Variants in ANKRD52 observed in about 807,000 individuals in gnomAD.
ANKRD52 encodes the protein serine/threonine-protein phosphatase 6 regulatory ankyrin repeat subunit C.
Under a neutral mutation model 116.0 loss-of-function variants are expected in ANKRD52, and 7 were observed. The observed-to-expected ratio is 0.06, with a 90% CI of 0.03 to 0.11. ANKRD52 has a LOEUF of 0.11. ANKRD52 is among the 10% of genes least tolerant of loss of function. The pLI, the probability that ANKRD52 is intolerant of heterozygous loss-of-function variation, is 1.00. For missense variants in ANKRD52, 839 were observed against 1,408.6 expected, an observed-to-expected ratio of 0.60 and a Z score of 6.47; for synonymous variants, 528 against 578.1, an observed-to-expected ratio of 0.91 and a Z score of 1.24.
In ANKRD52 at chr12:56,253,480, G is replaced by T; in HGVS notation, c.986-78C>A. On this transcript the variant is annotated intron_variant, in intron 9 of 27. Coordinates refer to ENST00000267116, the MANE Select transcript of ANKRD52 (RefSeq NM_173595.4). This position sits in a 1 kb window ranked among gnomAD's most constrained non-coding sequence, Gnocchi z 5.5. ...CTTTCGCGAGCTAGCCATGATTTGA[G>T]TGCCTACTATGTATGCATCAGGTGC... The T allele has an allele frequency of 8.5e-7, 1 of 1,173,402 alleles. No individual in the cohort carries two copies. The highest frequency in any genetic ancestry group is 1.3e-6 in the Non-Finnish European group (1 of 792,686). 72.7% of individuals were successfully genotyped at this position (1,173,402 alleles called of 1,614,324 possible). A position where few individuals can be genotyped will look rare whatever the true frequency, so the allele number is the denominator to read the frequency against.
rs557658209 is a variant in ANKRD52, at chr12:56,251,902, C to T, written c.1592+113G>A. On this transcript the variant is annotated intron_variant, in intron 15 of 27. Coordinates refer to ENST00000267116, the MANE Select transcript of ANKRD52 (RefSeq NM_173595.4). ...GGCTCAAGACACACTGCTGGCTGAC[C>T]GGCAGGACAGCAGCAGTATAGGGTA... The T allele has an allele frequency of 1.1e-4, 126 of 1,183,514 alleles. 1 individual carries two copies. In the South Asian group the frequency reaches 1.3e-3, roughly 12 times the overall value. 73.3% of individuals were successfully genotyped at this position (1,183,514 alleles called of 1,614,324 possible).
In ANKRD52 at chr12:56,244,535, A is replaced by G. The variant is rs1214203554; in HGVS notation, c.2723-100T>C. 1 of 1,598,442 alleles carries G rather than the reference A, an allele frequency of 6.3e-7. No individual in the cohort carries two copies. The highest frequency in any genetic ancestry group is 8.5e-7 in the Non-Finnish European group (1 of 1,170,942). On this transcript the variant is annotated intron_variant, in intron 24 of 27. Coordinates refer to ENST00000267116, the MANE Select transcript of ANKRD52 (RefSeq NM_173595.4). The surrounding 1 kb of genome is among the most constrained non-coding windows in gnomAD (Gnocchi z 4.9). ...CCCGTCTGCAGATGGCGAGACATCC[A>G]AAGACAACCCTCTTGCTTTCTGAAC...
In ANKRD52 at chr12:56,248,285, C is replaced by T. The variant is rs1871515420; in HGVS notation, c.1777-61G>A. ...GGACCTTCCCTGCTCCTCCCTTCCC[C>T]TTCTCTGCTCTTGGGGTCCCTGGGA... On this transcript the variant is annotated intron_variant, in intron 17 of 27. Coordinates refer to ENST00000267116, the MANE Select transcript of ANKRD52 (RefSeq NM_173595.4). The surrounding 1 kb of genome is among the most constrained non-coding windows in gnomAD (Gnocchi z 5.1). 1.9e-6 allele frequency: 3 copies of T among 1,582,140 alleles called. No individual in the cohort carries two copies. Among genetic ancestry groups the T allele is most frequent in the Middle Eastern group, 1.7e-4 (1 of 6,016 alleles).
chr12:56,239,125 C>G lies in ANKRD52; in HGVS notation c.*4017G>C, dbSNP rs759579387. ...GGCAACAGCAGCCTTGGAGTCAGTA[C>G]CTTCAAGTAATTCAAAGAGCAGACC... On this transcript the variant is annotated 3_prime_UTR_variant, in exon 28 of 28. Coordinates refer to ENST00000267116, the MANE Select transcript of ANKRD52 (RefSeq NM_173595.4). The G allele has an allele frequency of 9.2e-5, 14 of 152,360 alleles. No homozygotes were observed. Among genetic ancestry groups the G allele is most frequent in the African/African-American group, 3.4e-4 (14 of 41,464 alleles). 9.4% of individuals were successfully genotyped at this position (152,360 alleles called of 1,614,324 possible). A position where few individuals can be genotyped will look rare whatever the true frequency, so the allele number is the denominator to read the frequency against.
At position 56,252,956 on chromosome 12, in the gene ANKRD52, C is replaced by T. The variant is rs1871774173; in HGVS notation, c.1183+48G>A. On this transcript the variant is annotated intron_variant, in intron 11 of 27. Transcript: ENST00000267116. The surrounding 1 kb of genome is among the most constrained non-coding windows in gnomAD (Gnocchi z 4.7). Reference sequence around the variant, plus strand: ...AGAGTGTTCAGCAGGGAGGGAAAGGCCTTTGCTCTCCTATACACCTGCCAA... The same window carrying T: ...AGAGTGTTCAGCAGGGAGGGAAAGGTCTTTGCTCTCCTATACACCTGCCAA... The T allele has an allele frequency of 1.3e-6, 2 of 1,589,986 alleles. No individual in the cohort carries two copies. Among genetic ancestry groups the T allele is most frequent in the East Asian group, 4.6e-5 (2 of 43,838 alleles).
At position 56,248,777 on chromosome 12, in the gene ANKRD52, G is replaced by C. The variant is rs779319046; in HGVS notation, c.1686C>G (p.Asn562Lys). The C allele has an allele frequency of 6.2e-7, 1 of 1,610,736 alleles. No individual in the cohort carries two copies. Among genetic ancestry groups the C allele is most frequent in the Non-Finnish European group, 8.5e-7 (1 of 1,178,184 alleles). ...TAVHYAAAYG[N>K]RQNLELLLEM... ...CACATACCAGTTCGAGGTTCTGTCT[G>C]TTGCCATAGGCGGCTGCATAGTGCA... Residue 562 changes from asparagine to lysine, a missense_variant, in exon 16 of 28, where the codon AAC (asparagine) becomes AAG (lysine). Coordinates refer to ENST00000267116, the MANE Select transcript of ANKRD52 (RefSeq NM_173595.4). The surrounding 1 kb of genome is among the most constrained non-coding windows in gnomAD (Gnocchi z 5.1).
At position 56,248,845 on chromosome 12, in the gene ANKRD52, C is replaced by T. The variant is rs1450571057; in HGVS notation, c.1618G>A (p.Gly540Ser). 3.7e-6 allele frequency: 6 copies of T among 1,607,644 alleles called. No homozygotes were observed. The highest frequency in any genetic ancestry group is 2.2e-5 in the East Asian group (1 of 44,648). Residue 540 changes from glycine (G) to serine (S), a missense_variant, in exon 16 of 28, where the codon GGT becomes AGT. Physicochemically the swap from Gly to Ser is moderately conservative, Grantham distance 56 (BLOSUM62 0). This residue lies in a region of ANKRD52 where 552 missense variants were observed against 810.6 expected (regional missense o/e 0.68). Transcript: ENST00000267116. The surrounding 1 kb of genome is among the most constrained non-coding windows in gnomAD (Gnocchi z 5.1). The part of the protein sequence containing the change: ...FFCLEFLLDN[G>S]ADPSLRDRQG... Reference sequence around the variant, plus strand: ...CTGTCCCGCAGGGAGGGGTCTGCACCGTTATCCAGTAAGAACTCCAGACAG... The same window carrying T: ...CTGTCCCGCAGGGAGGGGTCTGCACTGTTATCCAGTAAGAACTCCAGACAG...
At chr12:56,251,924 G>A (rs1871713435) in intron 15 of ANKRD52, 91 bp downstream of exon 15, 2 of 1,394,082 alleles carry the variant, frequency 1.4e-6, no homozygotes, top group Admixed American at 3.6e-5. Flanking sequence ...AGCAGTATAG[G>A]GTAGAGGTTC....
rs753651440 is a variant in ANKRD52, at chr12:56,245,071, C to A, written c.2492+32G>T. On this transcript the variant is annotated intron_variant, in intron 22 of 27. Coordinates refer to ENST00000267116, the MANE Select transcript of ANKRD52 (RefSeq NM_173595.4). ...CCTAAGCTCAAGTCATGGGCCCTCGCGAGAAGGGCTGATGCAGCAGAAGGG... is the reference window on the plus strand; with the variant it reads ...CCTAAGCTCAAGTCATGGGCCCTCGAGAGAAGGGCTGATGCAGCAGAAGGG... 5 of 1,612,860 alleles carry A rather than the reference C, an allele frequency of 3.1e-6. No individual in the cohort carries two copies. The East Asian group carries it at 6.7e-5, about 22-fold the overall frequency.
Position 56,253,750 on chromosome 12 carries a change from G to C in ANKRD52, c.957C>G (p.Phe319Leu). The change falls in exon 9 of 28, where the codon TTC (phenylalanine) becomes TTG (leucine). Residue 319 changes from phenylalanine to leucine, a missense_variant. Phe to Leu is a conservative substitution (Grantham distance 22). Transcript: ENST00000267116. This position sits in a 1 kb window ranked among gnomAD's most constrained non-coding sequence, Gnocchi z 5.5. The part of the protein sequence containing the change: ...PLHMAAIHGR[F>L]TRSQILIQNG... Reference sequence around the variant, plus strand: ...TCTGGATGAGGATCTGGGAGCGTGTGAAACGGCCATGGATTGCAGCCATGT... The same window carrying C: ...TCTGGATGAGGATCTGGGAGCGTGTCAAACGGCCATGGATTGCAGCCATGT... The C allele has an allele frequency of 6.2e-7, 1 of 1,613,970 alleles. No homozygotes were observed. Among genetic ancestry groups the C allele is most frequent in the Non-Finnish European group, 8.5e-7 (1 of 1,179,884 alleles).
rs766072968 is a variant in ANKRD52, at chr12:56,252,877, A to C, written c.1204T>G (p.Ser402Ala). Residue 402 changes from serine to alanine, a missense_variant, in exon 12 of 28, where the codon TCT (serine) becomes GCT (alanine). Transcript: ENST00000267116. This position sits in a 1 kb window ranked among gnomAD's most constrained non-coding sequence, Gnocchi z 4.7. ...LSSGQLYSIV[S>A]SLSNEHVLSA... ...AGCACATGCTCATTGCTGAGTGAAG[A>C]CACAATGCTGTACAACTGACCTGGA... 6.2e-7 allele frequency: 1 copy of C among 1,613,958 alleles called. No individual in the cohort carries two copies. The highest frequency in any genetic ancestry group is 8.5e-7 in the Non-Finnish European group (1 of 1,179,880).
chr12:56,252,252 A>G lies in ANKRD52; in HGVS notation c.1434T>C (p.Ala478=), dbSNP rs751996425. ...SYQCAVTLVT[A]GAGVNEADCK... ...AGTCGGCCTCGTTGACACCTGCCCC[A>G]GCAGTCACCAATGTTACTGCACACT... The change falls in exon 14 of 28, where the codon GCT becomes GCC. Residue 478 remains alanine, a synonymous_variant. Transcript: ENST00000267116. This position sits in a 1 kb window ranked among gnomAD's most constrained non-coding sequence, Gnocchi z 4.7. 6.0e-5 allele frequency: 97 copies of G among 1,613,890 alleles called. No homozygotes were observed. The highest frequency in any genetic ancestry group is 8.0e-5 in the Non-Finnish European group (94 of 1,179,898).
In ANKRD52 at chr12:56,254,570, G is replaced by C. The variant is rs754900774; in HGVS notation, c.693+8C>G. ...ATAGTTCCCAACCCCAGAGCTCAAAGCCCTGACCTCCGCTCCCATCCGAAG... is the reference window on the plus strand; with the variant it reads ...ATAGTTCCCAACCCCAGAGCTCAAACCCCTGACCTCCGCTCCCATCCGAAG... On this transcript the variant is annotated splice_region_variant and intron_variant, in intron 7 of 27. Transcript: ENST00000267116. The surrounding 1 kb of genome is among the most constrained non-coding windows in gnomAD (Gnocchi z 4.6). The C allele has an allele frequency of 6.2e-7, 1 of 1,613,046 alleles. No individual in the cohort carries two copies. Among genetic ancestry groups the C allele is most frequent in the Non-Finnish European group, 8.5e-7 (1 of 1,179,568 alleles).
rs770258422 is a variant in ANKRD52 at position 56,244,923 on chromosome 12, G to A, written c.2559C>T (p.Ser853=). 1 of 1,613,962 alleles carries A rather than the reference G, an allele frequency of 6.2e-7. No homozygotes were observed. Among genetic ancestry groups the A allele is most frequent in the Admixed American group, 1.7e-5 (1 of 60,020 alleles). ...LGALGAKIVN[S]RDAKGRTPLH... is the part of the protein sequence containing the mutation. ...TCACTCACCGTCCTTTGGCATCTCGGCTGTTCACAATCTTGGCACCCAGAG... is the reference window on the plus strand; with the variant it reads ...TCACTCACCGTCCTTTGGCATCTCGACTGTTCACAATCTTGGCACCCAGAG... The change falls in exon 23 of 28, where the codon AGC becomes AGT. Residue 853 remains serine (S), a synonymous_variant. Transcript: ENST00000267116. This position sits in a 1 kb window ranked among gnomAD's most constrained non-coding sequence, Gnocchi z 4.9.
At chr12:56,256,913 G>C in intron 4 of ANKRD52, 102 bp downstream of exon 4, 2 of 1,299,124 alleles carry the variant, frequency 1.5e-6, no homozygotes, top group South Asian at 1.5e-5. Context: ...ACCTGGGGTA[G>C]AACAGCTTGT....
At position 56,244,880 on chromosome 12, in the gene ANKRD52, T is replaced by A. The variant is rs750505254; in HGVS notation, c.2576+26A>T. The A allele has an allele frequency of 1.9e-6, 3 of 1,613,920 alleles. No homozygotes were observed. In the South Asian group the frequency reaches 3.3e-5, roughly 18 times the overall value. ...AAGGGGAAGCCAGAGGCAACTGGGA[T>A]TCTTCCCAAGTCTTCCATCACTCAC... On this transcript the variant is annotated intron_variant, in intron 23 of 27. Coordinates refer to ENST00000267116, the MANE Select transcript of ANKRD52 (RefSeq NM_173595.4). This position sits in a 1 kb window ranked among gnomAD's most constrained non-coding sequence, Gnocchi z 4.9.
At position 56,241,527 on chromosome 12, in the gene ANKRD52, A is replaced by AT. The variant is rs1456390889; in HGVS notation, c.*1614dup. 1 of 155,098 alleles carries AT rather than the reference A, an allele frequency of 6.4e-6. No individual in the cohort carries two copies. Among genetic ancestry groups the AT allele is most frequent in the Admixed American group, 6.5e-5 (1 of 15,362 alleles). 9.6% of individuals were successfully genotyped at this position (155,098 alleles called of 1,614,324 possible). On this transcript the variant is annotated 3_prime_UTR_variant, in exon 28 of 28. Coordinates refer to ENST00000267116, the MANE Select transcript of ANKRD52 (RefSeq NM_173595.4). ...TTGAGTAGGGGAGGGAGGCTGAAGG[A>AT]TCCCCCCTCAGGGGAGACCCTGTAC...
rs1872067964 is a variant in ANKRD52 at position 56,258,345 on chromosome 12, C to T, written c.-76G>A. On this transcript the variant is annotated 5_prime_UTR_variant, in exon 1 of 28. Coordinates refer to ENST00000267116, the MANE Select transcript of ANKRD52 (RefSeq NM_173595.4). ...GCTCCACCGGGGACACGGAGCGGCC[C>T]AGGCGGCGGCTGCGGTGGCGGCTGC... 2 of 1,394,520 alleles carry T rather than the reference C, an allele frequency of 1.4e-6. No individual in the cohort carries two copies. The highest frequency in any genetic ancestry group is 1.5e-5 in the African/African-American group (1 of 65,612). The allele number at this position is 1,394,520 out of a possible 1,614,324, so 86.4% of individuals were successfully genotyped here. A position where few individuals can be genotyped will look rare whatever the true frequency, so the allele number is the denominator to read the frequency against.
intron 4 of ANKRD52, among the ~76,000 whole-genome samples, chr12:56,256,658 G>C (rs545720791): frequency 2.0e-5 from 3 of 152,318 alleles, no homozygotes; most frequent in Admixed American, 6.5e-5. Flanking sequence ...TGAGGGCCAA[G>C]GATGCAACAG....
Sources: gnomAD v4.1 joint callset for allele counts (sites outside exome capture counted in the v4.1 genomes callset) on GRCh38, gnomAD v4.1.1 for gene constraint, gnomAD v4.1.1 regional missense constraint, Gnocchi (gnomAD v3.1) non-coding constraint, MANE v1.5 for transcripts, NCBI Gene and HGNC (gene_info 2026-07-23, HGNC 2026-07-21) for gene names.